Variants in EPHA6 observed in about 807,000 individuals in gnomAD.
The protein encoded by EPHA6 is EPH receptor A6.
In EPHA6, 50 loss-of-function variants were observed where a neutral mutation model predicts 112.0. That is an observed-to-expected ratio of 0.45 (90% CI 0.36 to 0.56). The LOEUF (loss-of-function observed/expected upper bound fraction) is 0.56, where lower values mean the gene tolerates loss of function less well. Among genes scored for constraint, EPHA6 ranks in the 20% least tolerant of loss-of-function variants. EPHA6 has a pLI of 0.00. For missense variants in EPHA6, 1,280 were observed against 1,417.4 expected (o/e 0.90, Z 1.56); for synonymous variants, 529 against 490.7 (o/e 1.08, Z -1.03).
intron 11 of EPHA6, among the ~76,000 whole-genome samples, chr3:97,557,758 C>G (rs947988230): frequency 1.3e-5 from 2 of 151,856 alleles, no homozygotes; most frequent in African/African-American, 4.8e-5. Context: ...TACCTTCACA[C>G]AGGAGTTTCC....
chr3:97,235,570 C>A (rs1168135505), intron 4 of EPHA6, among the ~76,000 whole-genome samples: 1 of 152,120 alleles, frequency 6.6e-6, no homozygotes, highest in Non-Finnish European at 1.5e-5. Flanking sequence ...AATCTCCTAG[C>A]AACTCTCCTT....
chr3:96,965,961 G>C (rs907254293), intron 2 of EPHA6, among the ~76,000 whole-genome samples: 1 of 151,944 alleles, frequency 6.6e-6, no homozygotes, highest in Admixed American at 6.6e-5. Flanking sequence ...ACATGGTCTT[G>C]TTTGAGCTCT....
intron 16 of EPHA6, 28 bp downstream of exon 16, chr3:97,736,146 C>T: frequency 6.4e-7 from 1 of 1,565,722 alleles, no homozygotes. Flanking sequence ...GAGTTTTTTT[C>T]TTCTTGACAA....
At chr3:96,818,396 T>G (rs1334327440) in intron 1 of EPHA6, among the ~76,000 whole-genome samples, 1 of 151,974 alleles carries the variant, frequency 6.6e-6, no homozygotes, top group Non-Finnish European at 1.5e-5. Context: ...AAGTATGGTA[T>G]GGGTAAGTTA....
At chr3:97,359,046 T>C (rs989572620) in intron 5 of EPHA6, among the ~76,000 whole-genome samples, 2 of 151,318 alleles carry the variant, frequency 1.3e-5, no homozygotes, top group African/African-American at 4.9e-5. Flanking sequence ...TTTTTTTGAG[T>C]TCATCTTATT....
intron 10 of EPHA6, among the ~76,000 whole-genome samples, chr3:97,485,913 T>G (rs1219153883): frequency 6.6e-6 from 1 of 152,224 alleles, no homozygotes; most frequent in Non-Finnish European, 1.5e-5. Context: ...TTTAGCCCTT[T>G]GTGCTACAGC....
At chr3:97,162,952 C>G (rs1300814502) in intron 3 of EPHA6, among the ~76,000 whole-genome samples, 1 of 152,126 alleles carries the variant, frequency 6.6e-6, no homozygotes, top group Non-Finnish European at 1.5e-5. Flanking sequence ...TATCATAACC[C>G]TTCCCACTTT....
At chr3:97,312,937 AT>A (rs1357476950) in intron 5 of EPHA6, among the ~76,000 whole-genome samples, 1 of 151,448 alleles carries the variant, frequency 6.6e-6, no homozygotes, top group African/African-American at 2.4e-5. Flanking sequence ...AAAATCTATT[AT>A]TTTAGCAATG....
intron 11 of EPHA6, among the ~76,000 whole-genome samples, chr3:97,585,039 C>T (rs147115525): frequency 2.2e-3 from 329 of 152,252 alleles, no homozygotes; most frequent in African/African-American, 7.5e-3. Context: ...TAGATTTATT[C>T]AGGACACTTT....
intron 3 of EPHA6, among the ~76,000 whole-genome samples, chr3:97,084,138 G>GCA (rs373106924): frequency 0.049 from 5,834 of 119,354 alleles, 408 homozygotes; most frequent in African/African-American, 0.15. Context: ...ATATATCCAT[G>GCA]CACACACACA....
chr3:97,376,505 A>G (rs2085367949), intron 5 of EPHA6, among the ~76,000 whole-genome samples: 1 of 152,232 alleles, frequency 6.6e-6, no homozygotes. Flanking sequence ...TATCAGAATC[A>G]GAAAGATTCT....
chr3:96,862,012 A>T (rs1471592144), intron 1 of EPHA6, among the ~76,000 whole-genome samples: 1 of 151,906 alleles, frequency 6.6e-6, no homozygotes, highest in East Asian at 1.9e-4. Context: ...CTGAAAGTAA[A>T]AATTTTTGGT....
chr3:97,684,278 G>A (rs1441119139), intron 14 of EPHA6, among the ~76,000 whole-genome samples: 3 of 152,068 alleles, frequency 2.0e-5, no homozygotes, highest in Non-Finnish European at 4.4e-5. Context: ...AAGAAAAGAA[G>A]CAAATTTACA....
intron 6 of EPHA6, chr3:97,447,934 A>G (rs535179661): frequency 4.5e-5 from 13 of 289,904 alleles, no homozygotes; most frequent in Non-Finnish European, 6.5e-5. Flanking sequence ...ATGTTTAAAA[A>G]TAAGCTATAT....
intron 5 of EPHA6, among the ~76,000 whole-genome samples, chr3:97,250,943 T>C (rs1299801996): frequency 1.3e-5 from 2 of 151,998 alleles, no homozygotes; most frequent in African/African-American, 4.8e-5. Context: ...CTTGGCTCAC[T>C]GCAACCTCTG....
At chr3:97,007,556 T>G (rs1290653591) in intron 3 of EPHA6, among the ~76,000 whole-genome samples, 1 of 152,132 alleles carries the variant, frequency 6.6e-6, no homozygotes, top group African/African-American at 2.4e-5. Context: ...TGACTCCTTA[T>G]CCAAATCACC....
intron 2 of EPHA6, among the ~76,000 whole-genome samples, chr3:96,882,774 TCA>T: frequency 8.1e-6 from 1 of 123,018 alleles, no homozygotes; most frequent in Non-Finnish European, 1.7e-5. Context: ...GTGTGTATAG[TCA>T]ATCATCAATC....
At chr3:97,315,603 A>G (rs1251695361) in intron 5 of EPHA6, among the ~76,000 whole-genome samples, 1 of 151,760 alleles carries the variant, frequency 6.6e-6, no homozygotes, top group Non-Finnish European at 1.5e-5. Flanking sequence ...ACTTTCATTT[A>G]CACGTGATGT....
chr3:97,305,274 G>A (rs922838979), intron 5 of EPHA6, among the ~76,000 whole-genome samples: 1 of 152,056 alleles, frequency 6.6e-6, no homozygotes, highest in Non-Finnish European at 1.5e-5. Flanking sequence ...GTTTTACACT[G>A]TTGGTAGGAA....
Sources: gnomAD v4.1 joint callset for allele counts (sites outside exome capture counted in the v4.1 genomes callset) on GRCh38, gnomAD v4.1.1 for gene constraint, MANE v1.5 for transcripts, NCBI Gene and HGNC (gene_info 2026-07-23, HGNC 2026-07-21) for gene names.